The following CALHM4 variants were observed in gnomAD, a reference collection of about 807,000 sequenced individuals.
CALHM4 encodes calcium homeostasis modulator protein 4.
CALHM4 carries 16 observed loss-of-function variants against 13.3 expected under a neutral mutation model. The observed-to-expected ratio is 1.20, with a 90% CI of 0.81 to 1.82. CALHM4 has a LOEUF of 1.82. Ranked by LOEUF, CALHM4 falls within the 40% of genes most tolerant of loss-of-function variation. The pLI is 0.00. For synonymous variants in CALHM4, 127 were observed against 137.1 expected, an observed-to-expected ratio of 0.93 and a Z score of 0.52; for missense variants, 344 against 374.9, an observed-to-expected ratio of 0.92 and a Z score of 0.68.
At chr6:116,543,818 C>A (rs1462994853) in exon 2 of CALHM4, 5 of 1,533,752 alleles carry the variant, frequency 3.3e-6, no homozygotes, top group Non-Finnish European at 4.4e-6. Flanking sequence ...TCCCTAATGG[C>A]CCCCAGATCT....
rs1340924080 is a variant in CALHM4 at position 116,545,649 on chromosome 6, A to C, written c.-1+1777A>C. The C allele has an allele frequency of 2.3e-5, 15 of 653,082 alleles. No homozygotes were observed. In the Admixed American group the frequency reaches 4.9e-4, roughly 22 times the overall value. 40.5% of individuals were successfully genotyped at this position (653,082 alleles called of 1,614,324 possible). A position where few individuals can be genotyped will look rare whatever the true frequency, so the allele number is the denominator to read the frequency against. On this transcript the variant is annotated intron_variant, in intron 2 of 2. Transcript: ENST00000368597. The stretch of plus-strand genomic sequence containing the variant: ...TTTGAGACAGGAGTGCTGCTTCTGC[A>C]CTCTGCTGCTTTTGCTCTTTGCTGA...
chr6:116,543,846 G>T lies in CALHM4; in HGVS notation c.-27G>T, dbSNP rs1386897666. The T allele has an allele frequency of 2.0e-6, 3 of 1,533,952 alleles. No individual in the cohort carries two copies. In the African/African-American group the frequency reaches 4.1e-5, roughly 21 times the overall value. ...CCAGATCTGCCAAGGAGACCTTCAG[G>T]ATAAACCCAAATGTAGCAGCAAATT... is the stretch of plus-strand genomic sequence containing the variant. On this transcript the variant is annotated 5_prime_UTR_variant, in exon 2 of 3. Transcript: ENST00000368597.
chr6:116,557,101 C>A (rs1175465889), intron 1 of CALHM4, among the ~76,000 whole-genome samples: 2 of 152,004 alleles, frequency 1.3e-5, no homozygotes, highest in African/African-American at 4.8e-5. Flanking sequence ...CCATGCCCGA[C>A]TAATTTTTGT....
At chr6:116,539,398 T>C (rs1281099234) in intron 1 of CALHM4, among the ~76,000 whole-genome samples, 1 of 152,192 alleles carries the variant, frequency 6.6e-6, no homozygotes, top group Non-Finnish European at 1.5e-5. Flanking sequence ...ATACCAGTAA[T>C]AATATGAGTA....
intron 2 of CALHM4, among the ~76,000 whole-genome samples, chr6:116,547,685 G>A (rs940033973): frequency 1.3e-5 from 2 of 152,178 alleles, no homozygotes; most frequent in African/African-American, 4.8e-5. Context: ...ATAGAAGAAA[G>A]CACAGAGATG....
intron 2 of CALHM4, among the ~76,000 whole-genome samples, chr6:116,544,232 G>A (rs920671142): frequency 6.6e-6 from 1 of 151,564 alleles, no homozygotes; most frequent in Admixed American, 6.6e-5. Flanking sequence ...TTGAAAAAGA[G>A]AAAAGTAGAA....
At chr6:116,554,494 T>C (rs2115291129) in intron 1 of CALHM4, 143 bp downstream of exon 1, 2 of 772,456 alleles carry the variant, frequency 2.6e-6, no homozygotes, top group East Asian at 5.4e-5. Context: ...TGAGTTCTAC[T>C]GAGCAAATAT....
Position 116,559,645 on chromosome 6 carries a change from T to A in CALHM4, c.*1434T>A, listed in dbSNP as rs573576547. 6.6e-6 allele frequency among the ~76,000 whole-genome samples: 1 copy of A among 152,298 alleles called. No individual in the cohort carries two copies. Among genetic ancestry groups the A allele is most frequent in the East Asian group, 1.9e-4 (1 of 5,192 alleles). On this transcript the variant is annotated 3_prime_UTR_variant, in exon 2 of 2. Coordinates refer to ENST00000368596, the MANE Select transcript of CALHM4 (RefSeq NM_001366078.2). ...TGTCATTTGACCTTGGACAAATCAGTCCATCTCTCTGGACCCTGGATTTTT... is the reference window on the plus strand; with the variant it reads ...TGTCATTTGACCTTGGACAAATCAGACCATCTCTCTGGACCCTGGATTTTT...
chr6:116,546,931 T>G (rs554558874), intron 2 of CALHM4, among the ~76,000 whole-genome samples: 2 of 152,330 alleles, frequency 1.3e-5, no homozygotes, highest in South Asian at 4.1e-4. Flanking sequence ...ATATCAAATT[T>G]ACAGTTTACA....
chr6:116,557,080 G>A (rs1372289862), intron 1 of CALHM4, among the ~76,000 whole-genome samples: 1 of 151,472 alleles, frequency 6.6e-6, no homozygotes, highest in Non-Finnish European at 1.5e-5. Flanking sequence ...TAGAATTACA[G>A]GCATGTGCCA....
upstream of CALHM4, among the ~76,000 whole-genome samples, chr6:116,552,804 G>T (rs1386853475): frequency 6.6e-6 from 1 of 152,182 alleles, no homozygotes; most frequent in Non-Finnish European, 1.5e-5. Context: ...GCCGGGCGAG[G>T]TGTCTCACAC....
At chr6:116,543,442 A>G (rs1438062012) in intron 1 of CALHM4, 2 of 1,410,914 alleles carry the variant, frequency 1.4e-6, no homozygotes, top group Non-Finnish European at 1.9e-6. Context: ...GCAAGTTATG[A>G]CAGTATACTA....
At position 116,558,097 on chromosome 6, in the gene CALHM4, A is replaced by G. The variant is rs1432294818; in HGVS notation, c.831A>G (p.Val277=). 1.2e-6 allele frequency: 2 copies of G among 1,614,182 alleles called. No individual in the cohort carries two copies. The highest frequency in any genetic ancestry group is 8.5e-7 in the Non-Finnish European group (1 of 1,180,012). ...GTCAGGACTGGAAAGATATTTCAGT[A>G]CCCACTCTTTTATGCATGGGTGATG... ...PSCQDWKDIS[V]PTLLCMGDDL... is the part of the protein sequence containing the mutation. The change falls in exon 2 of 2, where the codon GTA becomes GTG. Residue 277 remains valine (V), a synonymous_variant. Coordinates refer to ENST00000368596, the MANE Select transcript of CALHM4 (RefSeq NM_001366078.2).
intron 2 of CALHM4, chr6:116,543,899 GA>G: frequency 1.4e-6 from 2 of 1,477,588 alleles, no homozygotes; most frequent in Non-Finnish European, 1.8e-6. Context: ...TTTACTTAGA[GA>G]AAAAAGGGGA....
chr6:116,535,264 C>G (rs1176009841), intron 1 of CALHM4, among the ~76,000 whole-genome samples: 1 of 152,190 alleles, frequency 6.6e-6, no homozygotes, highest in Non-Finnish European at 1.5e-5. Flanking sequence ...GTTTGGACAG[C>G]TTAAGCAACT....
chr6:116,558,424 T>A lies in CALHM4; in HGVS notation c.*213T>A. ...ATTTTGCCAATGGTCTGGTAATGCC[T>A]AGAGTGGAATGTGAAGTCACATGGA... is the stretch of plus-strand genomic sequence containing the variant. On this transcript the variant is annotated 3_prime_UTR_variant, in exon 2 of 2. Transcript: ENST00000368596. 1 of 514,530 alleles carries A rather than the reference T, an allele frequency of 1.9e-6. No individual in the cohort carries two copies. The highest frequency in any genetic ancestry group is 3.3e-6 in the Non-Finnish European group (1 of 300,206). 31.9% of individuals were successfully genotyped at this position (514,530 alleles called of 1,614,324 possible).
rs1033323734 is a variant in CALHM4 at position 116,560,845 on chromosome 6, C to G, written c.*2634C>G. 3.3e-5 allele frequency among the ~76,000 whole-genome samples: 5 copies of G among 152,146 alleles called. No individual in the cohort carries two copies. The highest frequency in any genetic ancestry group is 7.4e-5 in the Non-Finnish European group (5 of 68,008). ...TACCAAATGCTTTTGGCTACCACAT[C>G]AAACCCTGGAGCTTGACATATATAA... On this transcript the variant is annotated 3_prime_UTR_variant, in exon 2 of 2. Coordinates refer to ENST00000368596, the MANE Select transcript of CALHM4 (RefSeq NM_001366078.2).
upstream of CALHM4, among the ~76,000 whole-genome samples, chr6:116,549,374 A>T (rs1773947154): frequency 2.0e-5 from 3 of 152,168 alleles, no homozygotes; most frequent in Admixed American, 2.0e-4. Flanking sequence ...TGAACATGTC[A>T]CTATATACAC....
Position 116,560,221 on chromosome 6 carries a change from T to G in CALHM4, c.*2010T>G, listed in dbSNP as rs923267356. Among the ~76,000 whole-genome samples the G allele has an allele frequency of 7.2e-5, 11 of 152,190 alleles. No homozygotes were observed. Among genetic ancestry groups the G allele is most frequent in the African/African-American group, 2.4e-4 (10 of 41,448 alleles). On this transcript the variant is annotated 3_prime_UTR_variant, in exon 2 of 2. Coordinates refer to ENST00000368596, the MANE Select transcript of CALHM4 (RefSeq NM_001366078.2). ...TGGAACATACTAGTTAAATGAACAC[T>G]TTCAACCATGCTCAGAATTAGTTTA...
Sources: gnomAD v4.1 joint callset for allele counts (sites outside exome capture counted in the v4.1 genomes callset) on GRCh38, gnomAD v4.1.1 for gene constraint, MANE v1.5 for transcripts, NCBI Gene and HGNC (gene_info 2026-07-23, HGNC 2026-07-21) for gene names.